The following B4GALT1 variants were observed in gnomAD, a reference collection of about 807,000 sequenced individuals.
B4GALT1 encodes N-acetyllactosamine synthase.
B4GALT1 carries 16 observed loss-of-function variants against 34.9 expected under a neutral mutation model. The ratio of observed to expected loss-of-function variants is 0.46; its 90% CI spans 0.31 to 0.70. B4GALT1 has a LOEUF of 0.70. Ranked by LOEUF, B4GALT1 falls within the 30% of genes least tolerant of loss-of-function variation. B4GALT1 has a pLI of 0.05. For synonymous variants in B4GALT1, 221 were observed against 218.1 expected (o/e 1.01, Z -0.12); for missense variants, 445 against 530.5 (o/e 0.84, Z 1.58).
chr9:33,151,461 T>C (rs111902481), intron 1 of B4GALT1, among the ~76,000 whole-genome samples: 3 of 152,276 alleles, frequency 2.0e-5, no homozygotes, highest in African/African-American at 4.8e-5. Context: ...ACTACTCCTA[T>C]GGGCCATCTG....
At chr9:33,170,041 C>G (rs1206859409), upstream of B4GALT1, among the ~76,000 whole-genome samples, 2 of 142,974 alleles carry the variant, frequency 1.4e-5, no homozygotes, top group Non-Finnish European at 3.0e-5. Context: ...GTGATCTTGG[C>G]TCACTGCAAG....
chr9:33,134,692 T>C (rs1166895874), intron 2 of B4GALT1, among the ~76,000 whole-genome samples: 1 of 152,182 alleles, frequency 6.6e-6, no homozygotes, highest in Non-Finnish European at 1.5e-5. Context: ...ATCAGACTTC[T>C]CCAGATATTT....
chr9:33,139,379 C>T (rs1840316279), intron 1 of B4GALT1, among the ~76,000 whole-genome samples: 1 of 152,222 alleles, frequency 6.6e-6, no homozygotes, highest in African/African-American at 2.4e-5. Context: ...CTTCTGAACT[C>T]GCTGTGCCCC....
intron 1 of B4GALT1, among the ~76,000 whole-genome samples, chr9:33,161,519 C>T (rs1474019302): frequency 1.3e-5 from 2 of 152,134 alleles, no homozygotes; most frequent in Non-Finnish European, 2.9e-5. Context: ...GGAACCCCTA[C>T]CAAGTTTAGG....
chr9:33,126,968 GTT>G (rs535591579), intron 2 of B4GALT1, among the ~76,000 whole-genome samples: 29 of 152,142 alleles, frequency 1.9e-4, no homozygotes, highest in African/African-American at 7.0e-4. Context: ...TGTTTTGTTT[GTT>G]TGTTTTTTTA....
intron 1 of B4GALT1, among the ~76,000 whole-genome samples, chr9:33,149,779 G>T (rs950333173): frequency 6.6e-6 from 1 of 152,256 alleles, no homozygotes; most frequent in African/African-American, 2.4e-5. Flanking sequence ...ACCTGAATCT[G>T]ATCAGGAGGA....
intron 1 of B4GALT1, among the ~76,000 whole-genome samples, chr9:33,165,549 C>T (rs571059181): frequency 1.3e-5 from 2 of 152,184 alleles, no homozygotes; most frequent in Admixed American, 6.5e-5. Context: ...GATGTTCTTC[C>T]CAAACTTGAT....
At chr9:33,134,991 T>C (rs1409698776) in intron 2 of B4GALT1, among the ~76,000 whole-genome samples, 198 bp downstream of exon 2, 1 of 152,190 alleles carries the variant, frequency 6.6e-6, no homozygotes, top group Non-Finnish European at 1.5e-5. Context: ...CCCTTGGCTA[T>C]AGAGTTGACA....
At chr9:33,140,698 TTCA>T (rs1840336255) in intron 1 of B4GALT1, among the ~76,000 whole-genome samples, 1 of 152,220 alleles carries the variant, frequency 6.6e-6, no homozygotes, top group Non-Finnish European at 1.5e-5. Flanking sequence ...ACAGCCCCTC[TTCA>T]CAAATCAGCT....
At chr9:33,183,198 C>T in the B4GALT1 span, among the ~76,000 whole-genome samples, 6 of 152,214 alleles carry the variant, frequency 3.9e-5, no homozygotes, top group East Asian at 1.2e-3. Flanking sequence ...TCCTTTTTTC[C>T]AGCTTATCCA....
chr9:33,167,109 G>T lies in B4GALT1; in HGVS notation c.61C>A (p.Arg21=). The part of the protein sequence containing the change: ...SAAMPGASLQ[R]ACRLLVAVCA... The stretch of plus-strand genomic sequence containing the variant: ...ACGGCCACGAGCAGGCGGCAGGCCC[G>T]CTGTAGGGACGCGCCTGGCATCGCG... Residue 21 remains arginine, a synonymous_variant, in exon 1 of 6, where the codon CGG becomes AGG. Coordinates refer to ENST00000379731, the MANE Select transcript of B4GALT1 (RefSeq NM_001497.4). 6.2e-7 allele frequency: 1 copy of T among 1,604,388 alleles called. No individual in the cohort carries two copies.
chr9:33,152,004 T>C (rs1237802840), intron 1 of B4GALT1, among the ~76,000 whole-genome samples: 1 of 152,194 alleles, frequency 6.6e-6, no homozygotes, highest in Admixed American at 6.5e-5. Context: ...AAGGAAAACA[T>C]AGATTTAAAC....
At chr9:33,153,800 G>A (rs1035803319) in intron 1 of B4GALT1, among the ~76,000 whole-genome samples, 3 of 152,056 alleles carry the variant, frequency 2.0e-5, no homozygotes, top group East Asian at 1.9e-4. Flanking sequence ...AATAAAAACC[G>A]ACCACAAACT....
At chr9:33,183,093 A>C in the B4GALT1 span, among the ~76,000 whole-genome samples, 1 of 152,190 alleles carries the variant, frequency 6.6e-6, no homozygotes, top group Non-Finnish European at 1.5e-5. Context: ...AAATTTCAGA[A>C]ATAAAAAATT....
chr9:33,136,906 C>T (rs1840280529), intron 1 of B4GALT1, among the ~76,000 whole-genome samples: 1 of 152,204 alleles, frequency 6.6e-6, no homozygotes, highest in African/African-American at 2.4e-5. Context: ...CCCCTACTCC[C>T]GGAATCACTC....
At chr9:33,152,414 G>A (rs934335132) in intron 1 of B4GALT1, among the ~76,000 whole-genome samples, 1 of 151,722 alleles carries the variant, frequency 6.6e-6, no homozygotes, top group Non-Finnish European at 1.5e-5. Flanking sequence ...AAGAGTGACA[G>A]ATGGAGAGAC....
At chr9:33,120,205 A>AG (rs201675008) in intron 3 of B4GALT1, among the ~76,000 whole-genome samples, 10 of 151,340 alleles carry the variant, frequency 6.6e-5, no homozygotes, top group South Asian at 6.3e-4. Context: ...AAAAAAAAAA[A>AG]AGGGGGGAAA....
chr9:33,105,115 C>T (rs117224742), intron 2 of B4GALT1, among the ~76,000 whole-genome samples: 10,023 of 151,954 alleles, frequency 0.066, 448 homozygotes, highest in Non-Finnish European at 0.1. Context: ...CCACTCACTG[C>T]GCCCGGCCTC....
At chr9:33,159,823 C>G (rs1840649155) in intron 1 of B4GALT1, among the ~76,000 whole-genome samples, 1 of 152,208 alleles carries the variant, frequency 6.6e-6, no homozygotes, top group Non-Finnish European at 1.5e-5. Flanking sequence ...TGTTGTTCAC[C>G]CACAACCACA....
Sources: gnomAD v4.1 joint callset for allele counts (sites outside exome capture counted in the v4.1 genomes callset) on GRCh38, gnomAD v4.1.1 for gene constraint, MANE v1.5 for transcripts, NCBI Gene and HGNC (gene_info 2026-07-23, HGNC 2026-07-21) for gene names.